EHMT1: variants seen among roughly 807,000 people sequenced by gnomAD.
The protein encoded by EHMT1 is histone-lysine N-methyltransferase EHMT1.
Under a neutral mutation model 147.2 loss-of-function variants are expected in EHMT1, and 15 were observed. The ratio of observed to expected loss-of-function variants is 0.10; its 90% CI spans 0.07 to 0.16. EHMT1 has a LOEUF of 0.16. Among genes scored for constraint, EHMT1 ranks in the 10% least tolerant of loss-of-function variants. EHMT1 has a pLI of 1.00. For missense variants in EHMT1, 1,587 were observed against 1,772.4 expected (o/e 0.90, Z 1.88); for synonymous variants, 795 against 709.6 (o/e 1.12, Z -1.91).
At chr9:137,754,321 G>T (rs781418810) in intron 8 of EHMT1, 30 bp downstream of exon 8, 1 of 1,613,014 alleles carries the variant, frequency 6.2e-7, no homozygotes, top group Non-Finnish European at 8.5e-7. Context: ...GGGCCATCAC[G>T]GGGACTGCCT....
chr9:137,633,960 C>T (rs959891009), intron 1 of EHMT1, among the ~76,000 whole-genome samples: 1 of 151,938 alleles, frequency 6.6e-6, no homozygotes, highest in Admixed American at 6.6e-5. Flanking sequence ...ATTACAGGTG[C>T]GCACCAGCAC....
intron 18 of EHMT1, among the ~76,000 whole-genome samples, chr9:137,805,583 G>A (rs1953877006): frequency 6.6e-6 from 1 of 151,844 alleles, no homozygotes; most frequent in African/African-American, 2.4e-5. Flanking sequence ...ACTTGATACT[G>A]CTATTCTCCT....
intron 1 of EHMT1, among the ~76,000 whole-genome samples, chr9:137,635,331 C>G (rs981750913): frequency 1.3e-5 from 2 of 151,330 alleles, no homozygotes; most frequent in East Asian, 2.0e-4. Context: ...CTAAGCCTCT[C>G]GACTAGCTAG....
chr9:137,821,243 T>G (rs1462698843), intron 25 of EHMT1, among the ~76,000 whole-genome samples: 1 of 151,308 alleles, frequency 6.6e-6, no homozygotes, highest in Non-Finnish European at 1.5e-5. Context: ...ATGGTCTCGA[T>G]CTCCTGACCT....
intron 14 of EHMT1, among the ~76,000 whole-genome samples, chr9:137,781,926 G>T (rs1951588031): frequency 6.6e-6 from 1 of 152,200 alleles, no homozygotes; most frequent in Admixed American, 6.5e-5. Flanking sequence ...TCTGTCCCCG[G>T]CCTTGCTTGC....
intron 3 of EHMT1, among the ~76,000 whole-genome samples, chr9:137,721,810 C>T (rs1370218374): frequency 6.6e-6 from 1 of 152,082 alleles, no homozygotes; most frequent in Non-Finnish European, 1.5e-5. Flanking sequence ...ATGTGGTTTC[C>T]AGTATTTTCT....
chr9:137,782,445 A>G lies in EHMT1; in HGVS notation c.2382+48A>G. On this transcript the variant is annotated intron_variant, in intron 15 of 26. Transcript: ENST00000460843. The surrounding 1 kb of genome is among the most constrained non-coding windows in gnomAD (Gnocchi z 5.7). ...TAGGGCTCTTCACCTGCTCTCTTTT[A>G]TTTTTACCAAAGTAAAATCATACCA... is the stretch of plus-strand genomic sequence containing the variant. The G allele has an allele frequency of 6.6e-7, 1 of 1,513,036 alleles. No individual in the cohort carries two copies. The highest frequency in any genetic ancestry group is 9.0e-7 in the Non-Finnish European group (1 of 1,117,018). 93.7% of individuals were successfully genotyped at this position (1,513,036 alleles called of 1,614,324 possible). A position where few individuals can be genotyped will look rare whatever the true frequency, so the allele number is the denominator to read the frequency against.
intron 1 of EHMT1, among the ~76,000 whole-genome samples, chr9:137,686,656 G>C (rs989065655): frequency 4.0e-5 from 6 of 151,512 alleles, no homozygotes; most frequent in African/African-American, 9.7e-5. Context: ...GCTGGGATTA[G>C]AGGTGTGAGC....
At chr9:137,671,512 T>TTTTC (rs1248382447) in intron 1 of EHMT1, among the ~76,000 whole-genome samples, 52 of 148,544 alleles carry the variant, frequency 3.5e-4, no homozygotes, top group Non-Finnish European at 4.9e-4. Context: ...AGTTGGATCC[T>TTTTC]TTTCTTTCTT....
At chr9:137,721,933 T>TTG (rs1946098117) in intron 3 of EHMT1, among the ~76,000 whole-genome samples, 1 of 152,186 alleles carries the variant, frequency 6.6e-6, no homozygotes, top group Admixed American at 6.5e-5. Context: ...GCTGTTGGTG[T>TTG]TGTGTGTGAT....
intron 4 of EHMT1, among the ~76,000 whole-genome samples, chr9:137,734,769 CTT>C (rs1000731253): frequency 2.6e-5 from 4 of 152,150 alleles, no homozygotes; most frequent in Non-Finnish European, 5.9e-5. Context: ...TCATCAGAAA[CTT>C]TGGGGGACAG....
At chr9:137,827,805 C>T (rs1186695822) in intron 25 of EHMT1, among the ~76,000 whole-genome samples, 1 of 142,124 alleles carries the variant, frequency 7.0e-6, no homozygotes, top group Non-Finnish European at 1.5e-5. Context: ...CTCCCATCAA[C>T]TTGGCGCCCC....
At chr9:137,739,472 C>G (rs1028902016) in intron 4 of EHMT1, among the ~76,000 whole-genome samples, 3 of 152,184 alleles carry the variant, frequency 2.0e-5, no homozygotes, top group African/African-American at 7.2e-5. Flanking sequence ...CTGCAGGTCC[C>G]TGCTTGGTAC....
At position 137,635,267 on chromosome 9, in the gene EHMT1, C is replaced by T. The variant is rs377670531; in HGVS notation, c.21+16218C>T. On this transcript the variant is annotated intron_variant, in intron 1 of 26. Transcript: ENST00000460843. ...TGTCACCTGGGCTGGAGTGCAGTGGCGTGATCTCGGGTCACTGCAACCTCC... is the reference window on the plus strand; with the variant it reads ...TGTCACCTGGGCTGGAGTGCAGTGGTGTGATCTCGGGTCACTGCAACCTCC... Among the ~76,000 whole-genome samples, 18 of 151,372 alleles carry T rather than the reference C, an allele frequency of 1.2e-4. 1 individual carries two copies. Among genetic ancestry groups the T allele is most frequent in the East Asian group, 2.0e-4 (1 of 5,010 alleles).
intron 1 of EHMT1, among the ~76,000 whole-genome samples, chr9:137,643,109 C>T (rs930778004): frequency 1.3e-5 from 2 of 151,902 alleles, no homozygotes; most frequent in African/African-American, 4.8e-5. Context: ...TCTCCAACTC[C>T]TGGTCTTAGA....
intron 1 of EHMT1, among the ~76,000 whole-genome samples, chr9:137,674,738 G>A (rs1941067409): frequency 6.6e-6 from 1 of 152,242 alleles, no homozygotes; most frequent in African/African-American, 2.4e-5. Context: ...GTAAGTGGGA[G>A]GCAGGCTTGT....
At chr9:137,703,726 G>A (rs1174873698) in intron 1 of EHMT1, among the ~76,000 whole-genome samples, 1 of 152,030 alleles carries the variant, frequency 6.6e-6, no homozygotes, top group Non-Finnish European at 1.5e-5. Context: ...AAGCCTCTAG[G>A]AAGTTCATCT....
At chr9:137,738,204 A>C (rs1374325890) in intron 4 of EHMT1, among the ~76,000 whole-genome samples, 3 of 150,838 alleles carry the variant, frequency 2.0e-5, no homozygotes, top group African/African-American at 7.4e-5. Context: ...AAAAAAAACA[A>C]CAACAAAAAA....
chr9:137,674,609 T>C (rs1157675064), intron 1 of EHMT1, among the ~76,000 whole-genome samples: 1 of 152,228 alleles, frequency 6.6e-6, no homozygotes, highest in Admixed American at 6.5e-5. Flanking sequence ...TCTTGATGTG[T>C]GAGACCCGCA....
Sources: allele counts gnomAD v4.1 joint callset (sites outside exome capture counted in the v4.1 genomes callset), GRCh38; gene constraint gnomAD v4.1.1; non-coding constraint Gnocchi (gnomAD v3.1); transcripts MANE v1.5; gene names NCBI Gene and HGNC (gene_info 2026-07-23, HGNC 2026-07-21).